Variants in SGCD observed in about 807,000 individuals in gnomAD.
SGCD encodes sarcoglycan delta.
A neutral mutation model predicts 36.6 loss-of-function variants in SGCD; 18 were observed. The observed-to-expected ratio is 0.49, with a 90% CI of 0.34 to 0.73. The LOEUF (loss-of-function observed/expected upper bound fraction) is 0.73, where lower values mean the gene tolerates loss of function less well. SGCD is among the 30% of genes least tolerant of loss of function. SGCD has a pLI of 0.01. For synonymous variants in SGCD, 133 were observed against 130.6 expected, an observed-to-expected ratio of 1.02 and a Z score of -0.12; for missense variants, 387 against 346.7, an observed-to-expected ratio of 1.12 and a Z score of -0.92.
chr5:156,023,835 C>T (rs1338536287), intron 1 of SGCD, among the ~76,000 whole-genome samples: 1 of 146,946 alleles, frequency 6.8e-6, no homozygotes, highest in African/African-American at 2.5e-5. Flanking sequence ...CTTAATGCCT[C>T]TTATTTGGTC....
chr5:155,737,538 TG>T, the SGCD span, among the ~76,000 whole-genome samples: 4 of 152,210 alleles, frequency 2.6e-5, no homozygotes, highest in African/African-American at 9.6e-5. Flanking sequence ...ATGACACTCA[TG>T]GGTTGGAAAG....
the SGCD span, among the ~76,000 whole-genome samples, chr5:155,799,564 T>G: frequency 2.4e-4 from 37 of 151,962 alleles, no homozygotes; most frequent in African/African-American, 8.9e-4. Flanking sequence ...GCTAATTTTT[T>G]TTTTTATTTT....
intron 4 of SGCD, among the ~76,000 whole-genome samples, chr5:156,536,748 C>T (rs578078609): frequency 6.6e-6 from 1 of 152,230 alleles, no homozygotes; most frequent in African/African-American, 2.4e-5. Flanking sequence ...AGAGACAAAA[C>T]GCAGTCTCAG....
At chr5:155,873,974 T>G (rs1049705923) in intron 1 of SGCD, among the ~76,000 whole-genome samples, 1 of 152,178 alleles carries the variant, frequency 6.6e-6, no homozygotes, top group African/African-American at 2.4e-5. Context: ...CCTGACACAC[T>G]ACAGGGAAAC....
At chr5:156,546,897 G>C (rs1448229113) in intron 4 of SGCD, among the ~76,000 whole-genome samples, 3 of 152,162 alleles carry the variant, frequency 2.0e-5, no homozygotes, top group African/African-American at 7.2e-5. Context: ...GGAGGTCCTT[G>C]ATGTAATTTC....
At chr5:156,543,660 G>T (rs561581460) in intron 4 of SGCD, among the ~76,000 whole-genome samples, 1 of 152,288 alleles carries the variant, frequency 6.6e-6, no homozygotes, top group East Asian at 1.9e-4. Context: ...TAAGGGGCTG[G>T]GCTAAGTGCC....
chr5:155,755,863 C>A, the SGCD span, among the ~76,000 whole-genome samples: 2 of 152,150 alleles, frequency 1.3e-5, no homozygotes, highest in Non-Finnish European at 2.9e-5. Flanking sequence ...AGTGGGCATG[C>A]AATTGATTGT....
intron 1 of SGCD, among the ~76,000 whole-genome samples, chr5:155,892,882 A>G (rs1013236515): frequency 2.6e-5 from 4 of 152,192 alleles, no homozygotes; most frequent in African/African-American, 9.6e-5. Context: ...GCATGATCTC[A>G]CTCATATGTG....
the SGCD span, among the ~76,000 whole-genome samples, chr5:155,748,391 C>T: frequency 6.6e-6 from 1 of 151,988 alleles, no homozygotes; most frequent in East Asian, 1.9e-4. Context: ...TTGTACTCTC[C>T]TTCAGTGATC....
At chr5:155,835,419 C>T in the SGCD span, among the ~76,000 whole-genome samples, 2 of 152,274 alleles carry the variant, frequency 1.3e-5, no homozygotes, top group Middle Eastern at 6.8e-3. Context: ...TGAGCTTCTC[C>T]TTCACACATT....
At chr5:156,367,278 A>G (rs1770153576) in intron 3 of SGCD, among the ~76,000 whole-genome samples, 1 of 152,232 alleles carries the variant, frequency 6.6e-6, no homozygotes, top group Non-Finnish European at 1.5e-5. Context: ...GGGCATGGAG[A>G]TATGAATTTC....
intron 6 of SGCD, among the ~76,000 whole-genome samples, chr5:156,623,208 G>T (rs1474392772): frequency 6.6e-6 from 1 of 152,056 alleles, no homozygotes; most frequent in Admixed American, 6.5e-5. Flanking sequence ...CCACAGTATT[G>T]CAGTGGGCAC....
chr5:155,992,648 T>G (rs1758456669), intron 1 of SGCD, among the ~76,000 whole-genome samples: 1 of 152,202 alleles, frequency 6.6e-6, no homozygotes, highest in Non-Finnish European at 1.5e-5. Flanking sequence ...TATCTATTGC[T>G]GCACAACAAA....
chr5:156,192,275 G>A (rs564680355), intron 3 of SGCD, among the ~76,000 whole-genome samples: 5 of 152,214 alleles, frequency 3.3e-5, no homozygotes, highest in African/African-American at 1.2e-4. Flanking sequence ...TCCAATAATG[G>A]ACACACACAA....
intron 3 of SGCD, among the ~76,000 whole-genome samples, chr5:156,459,587 A>T (rs75157586): frequency 0.025 from 3,765 of 152,260 alleles, 144 homozygotes; most frequent in African/African-American, 0.086. Flanking sequence ...GTCTTCTCTC[A>T]TGTTTTAAAG....
At chr5:155,949,594 C>T (rs187259448) in intron 1 of SGCD, among the ~76,000 whole-genome samples, 1 of 152,064 alleles carries the variant, frequency 6.6e-6, no homozygotes, top group Admixed American at 6.6e-5. Context: ...AGATTTTACA[C>T]GTCTAAATAA....
chr5:156,759,173 G>A (rs748470791), intron 8 of SGCD, 44 bp from the exon 9 acceptor site: 15 of 1,505,798 alleles, frequency 1.0e-5, no homozygotes, highest in East Asian at 9.0e-5. Flanking sequence ...GAGAAGAGAC[G>A]ACAGCCTCTG....
intron 1 of SGCD, among the ~76,000 whole-genome samples, chr5:156,014,227 A>G (rs527931054): frequency 1.3e-5 from 2 of 152,210 alleles, no homozygotes; most frequent in South Asian, 4.1e-4. Flanking sequence ...TTTCCTTGGT[A>G]CTTTGCTCAT....
intron 6 of SGCD, among the ~76,000 whole-genome samples, chr5:156,619,156 G>T (rs1762141233): frequency 6.6e-6 from 1 of 151,934 alleles, no homozygotes; most frequent in African/African-American, 2.4e-5. Context: ...CTCCAGAGTA[G>T]CTGGGACTAC....
Sources: gnomAD v4.1 joint callset for allele counts (sites outside exome capture counted in the v4.1 genomes callset) on GRCh38, gnomAD v4.1.1 for gene constraint, MANE v1.5 for transcripts, NCBI Gene and HGNC (gene_info 2026-07-23, HGNC 2026-07-21) for gene names.